PTPRC: variants seen among roughly 807,000 people sequenced by gnomAD.
PTPRC encodes the protein protein tyrosine phosphatase receptor type C, also known as receptor-type tyrosine-protein phosphatase C.
PTPRC carries 44 observed loss-of-function variants against 155.9 expected under a neutral mutation model. The observed-to-expected ratio is 0.28, with a 90% CI of 0.22 to 0.36. PTPRC has a LOEUF of 0.36. PTPRC is among the 10% of genes least tolerant of loss of function. PTPRC has a pLI of 1.00. For missense variants in PTPRC, 1,401 were observed against 1,564.6 expected, an observed-to-expected ratio of 0.90 and a Z score of 1.76; for synonymous variants, 525 against 533.1, an observed-to-expected ratio of 0.98 and a Z score of 0.21.
chr1:198,647,211 G>T (rs1662987243), intron 2 of PTPRC, among the ~76,000 whole-genome samples: 1 of 151,794 alleles, frequency 6.6e-6, no homozygotes, highest in Admixed American at 6.6e-5. Context: ...TTTCACACCT[G>T]CATAGGTATT....
intron 11 of PTPRC, among the ~76,000 whole-genome samples, chr1:198,712,594 A>G (rs1653368250): frequency 6.6e-6 from 1 of 152,214 alleles, no homozygotes; most frequent in South Asian, 2.1e-4. Context: ...TGCTAAATTT[A>G]TTGGTGCTAT....
At chr1:198,661,594 T>G (rs1216245983) in intron 2 of PTPRC, among the ~76,000 whole-genome samples, 1 of 151,992 alleles carries the variant, frequency 6.6e-6, no homozygotes, top group African/African-American at 2.4e-5. Context: ...TTCTTAGTAC[T>G]GTTAGGTAAA....
chr1:198,703,191 C>A, intron 6 of PTPRC, 107 bp from the exon 7 acceptor site: 1 of 1,524,096 alleles, frequency 6.6e-7, no homozygotes, highest in Admixed American at 1.7e-5. Context: ...ACGAGGACTC[C>A]TAGAGCAAAG....
chr1:198,645,830 A>G (rs1318091968), intron 2 of PTPRC, among the ~76,000 whole-genome samples: 2 of 151,792 alleles, frequency 1.3e-5, no homozygotes, highest in Non-Finnish European at 2.9e-5. Flanking sequence ...TACAGTCTAA[A>G]TAGTTTGTAA....
intron 2 of PTPRC, among the ~76,000 whole-genome samples, chr1:198,657,019 G>A (rs1663622220): frequency 6.8e-6 from 1 of 146,848 alleles, no homozygotes; most frequent in Non-Finnish European, 1.5e-5. Flanking sequence ...GAATCAAGAG[G>A]TTTTTTTTTT....
At chr1:198,646,315 T>C (rs1027447255) in intron 2 of PTPRC, among the ~76,000 whole-genome samples, 13 of 151,864 alleles carry the variant, frequency 8.6e-5, no homozygotes, top group African/African-American at 3.1e-4. Flanking sequence ...TTCTACTGAA[T>C]ATAGCTTATG....
At chr1:198,734,982 C>A in intron 22 of PTPRC, 145 bp from the exon 23 acceptor site, 1 of 690,398 alleles carries the variant, frequency 1.4e-6, no homozygotes, top group South Asian at 2.2e-5. Flanking sequence ...AGCATCACAG[C>A]TTAAGGTTTA....
intron 5 of PTPRC, 81 bp from the exon 6 acceptor site, chr1:198,702,306 A>C: frequency 6.4e-7 from 1 of 1,558,488 alleles, no homozygotes; most frequent in African/African-American, 1.4e-5. Flanking sequence ...ATCTTTAGTA[A>C]TTGTGTTTAT....
intron 2 of PTPRC, among the ~76,000 whole-genome samples, chr1:198,690,964 TA>T (rs1665891707): frequency 6.6e-6 from 1 of 152,112 alleles, no homozygotes; most frequent in African/African-American, 2.4e-5. Flanking sequence ...GCACCATGTT[TA>T]TCCTGCATGT....
chr1:198,683,702 T>C (rs981470707), intron 2 of PTPRC, among the ~76,000 whole-genome samples: 13 of 152,128 alleles, frequency 8.5e-5, no homozygotes, highest in African/African-American at 3.1e-4. Flanking sequence ...AGCCCAGAAA[T>C]AGTCACCTTT....
At chr1:198,656,747 G>C (rs553690208) in intron 2 of PTPRC, among the ~76,000 whole-genome samples, 1 of 151,478 alleles carries the variant, frequency 6.6e-6, no homozygotes, top group Non-Finnish European at 1.5e-5. Flanking sequence ...GAGGTGGCGT[G>C]GGGGAGCGGG....
At position 198,735,158 on chromosome 1, in the gene PTPRC, A is replaced by G. The variant is rs752691679; in HGVS notation, c.2309A>G (p.Glu770Gly). 5.0e-6 allele frequency: 8 copies of G among 1,603,790 alleles called. No homozygotes were observed. The highest frequency in any genetic ancestry group is 3.4e-5 in the South Asian group (3 of 89,388). Residue 770 changes from glutamate (E) to glycine (G), a missense_variant, in exon 23 of 33, where the codon GAA (glutamate) becomes GGA (glycine). Around this residue, in one of 3 missense-constraint regions of PTPRC, gnomAD observed 867 missense variants for 970.4 expected, o/e 0.89. Coordinates refer to ENST00000442510, the MANE Select transcript of PTPRC (RefSeq NM_002838.5). ...NKCAEYWPSM[E>G]EGTRAFGDVV... ...TGTGCAGAATACTGGCCGTCAATGGAAGAGGGCACTCGGGCTTTTGGAGAT... is the reference window on the plus strand; with the variant it reads ...TGTGCAGAATACTGGCCGTCAATGGGAGAGGGCACTCGGGCTTTTGGAGAT...
intron 2 of PTPRC, among the ~76,000 whole-genome samples, chr1:198,674,007 G>T (rs962173095): frequency 3.3e-5 from 5 of 152,104 alleles, no homozygotes; most frequent in African/African-American, 1.2e-4. Context: ...GTAGACTTTT[G>T]TTGTTTATTT....
In PTPRC at chr1:198,639,320, G is replaced by C. The variant is rs781080051; in HGVS notation, c.52G>C (p.Asp18His). The change falls in exon 2 of 33, where the codon GAC (aspartate) becomes CAC (histidine). Residue 18 changes from aspartate (D) to histidine (H), a missense_variant. Physicochemically the swap from Asp to His is moderately conservative, Grantham distance 81. This residue lies in a region of PTPRC where 867 missense variants were observed against 970.4 expected (regional missense o/e 0.89). Coordinates refer to ENST00000442510, the MANE Select transcript of PTPRC (RefSeq NM_002838.5). ...CTTGGCATTTGGCTTTGCCTTTCTG[G>C]ACACAGAAGTATTTGTGACAGGTAA... ...KLLAFGFAFL[D>H]TEVFVTGQSP... 1.2e-6 allele frequency: 2 copies of C among 1,612,178 alleles called. No individual in the cohort carries two copies. Among genetic ancestry groups the C allele is most frequent in the African/African-American group, 2.7e-5 (2 of 74,830 alleles).
chr1:198,748,690 C>T (rs1249115594), intron 27 of PTPRC, among the ~76,000 whole-genome samples: 1 of 151,664 alleles, frequency 6.6e-6, no homozygotes, highest in African/African-American at 2.4e-5. Flanking sequence ...AAAATATGCA[C>T]AGTTTCAATA....
chr1:198,735,649 C>G (rs1654602716), intron 23 of PTPRC, among the ~76,000 whole-genome samples: 1 of 151,480 alleles, frequency 6.6e-6, no homozygotes, highest in Middle Eastern at 3.2e-3. Flanking sequence ...TTAGAGAACA[C>G]TGTAAGAAGT....
intron 30 of PTPRC, 22 bp from the exon 31 acceptor site, chr1:198,752,572 C>T (rs1318746659): frequency 1.9e-6 from 3 of 1,606,118 alleles, no homozygotes; most frequent in Non-Finnish European, 2.6e-6. Context: ...CCAGTTAATG[C>T]TCTCTTCAAT....
At chr1:198,734,263 T>G in intron 21 of PTPRC, 31 bp downstream of exon 21, 1 of 1,610,242 alleles carries the variant, frequency 6.2e-7, no homozygotes, top group Non-Finnish European at 8.5e-7. Context: ...ATATTCTTTT[T>G]GAAAAATTTT....
intron 4 of PTPRC, among the ~76,000 whole-genome samples, chr1:198,698,906 C>A (rs1351717988): frequency 6.6e-6 from 1 of 152,026 alleles, no homozygotes; most frequent in African/African-American, 2.4e-5. Flanking sequence ...TGTTGTATAT[C>A]CTCCAGGCTC....
Sources: gnomAD v4.1 joint callset for allele counts (sites outside exome capture counted in the v4.1 genomes callset) on GRCh38, gnomAD v4.1.1 for gene constraint, gnomAD v4.1.1 regional missense constraint, MANE v1.5 for transcripts, NCBI Gene and HGNC (gene_info 2026-07-23, HGNC 2026-07-21) for gene names.